The following FAM135B variants were observed in gnomAD, a reference collection of about 807,000 sequenced individuals.
FAM135B encodes protein FAM135B.
Under a neutral mutation model 127.7 loss-of-function variants are expected in FAM135B, and 43 were observed. The observed-to-expected ratio is 0.34, with a 90% CI of 0.26 to 0.43. FAM135B has a LOEUF of 0.43. FAM135B is among the 20% of genes least tolerant of loss of function. The probability of loss-of-function intolerance (pLI) is 1.00; values close to 1 mark genes in which losing one functional copy is unlikely to be tolerated. For synonymous variants in FAM135B, 670 were observed against 665.1 expected (o/e 1.01, Z -0.11); for missense variants, 1,558 against 1,725.6 (o/e 0.90, Z 1.72).
At chr8:138,343,013 T>C (rs1003786817) in intron 2 of FAM135B, among the ~76,000 whole-genome samples, 1 of 152,248 alleles carries the variant, frequency 6.6e-6, no homozygotes, top group African/African-American at 2.4e-5. Context: ...CTTCCTTACA[T>C]TCCATGCTTC....
chr8:138,364,920 T>C (rs1197353408), intron 2 of FAM135B, among the ~76,000 whole-genome samples: 1 of 152,132 alleles, frequency 6.6e-6, no homozygotes, highest in Non-Finnish European at 1.5e-5. Context: ...CAATCTCAGC[T>C]CACTACAACC....
intron 1 of FAM135B, among the ~76,000 whole-genome samples, chr8:138,399,687 C>T (rs1246109571): frequency 6.6e-6 from 1 of 152,148 alleles, no homozygotes; most frequent in Non-Finnish European, 1.5e-5. Context: ...CAATGCTAAG[C>T]ACACAGAGTC....
chr8:138,207,643 T>A (rs1817803683), intron 7 of FAM135B, among the ~76,000 whole-genome samples: 1 of 152,182 alleles, frequency 6.6e-6, no homozygotes, highest in Non-Finnish European at 1.5e-5. Flanking sequence ...ATGGATGTCA[T>A]AGGAAGGCAC....
At chr8:138,181,149 G>A (rs888751602) in intron 9 of FAM135B, among the ~76,000 whole-genome samples, 1 of 152,114 alleles carries the variant, frequency 6.6e-6, no homozygotes, top group African/African-American at 2.4e-5. Flanking sequence ...GCTGAGGCAG[G>A]AGAATTGCTT....
At chr8:138,412,355 CCTGATCACAGACATTGT>C (rs1833915082) in intron 1 of FAM135B, among the ~76,000 whole-genome samples, 1 of 152,238 alleles carries the variant, frequency 6.6e-6, no homozygotes, top group Non-Finnish European at 1.5e-5. Flanking sequence ...CACCCAGATT[CCTGATCACAGACATTGT>C]GACAAAATAA....
intron 2 of FAM135B, among the ~76,000 whole-genome samples, chr8:138,336,533 T>G (rs1213174238): frequency 6.6e-6 from 1 of 152,092 alleles, no homozygotes; most frequent in Admixed American, 6.6e-5. Context: ...CCTCGACACA[T>G]ACACCCTCCC....
chr8:138,192,892 G>A (rs906640712), intron 9 of FAM135B, among the ~76,000 whole-genome samples: 4 of 152,118 alleles, frequency 2.6e-5, no homozygotes, highest in South Asian at 4.1e-4. Context: ...TGGTTGTATC[G>A]GTGAAAACAG....
intron 2 of FAM135B, among the ~76,000 whole-genome samples, chr8:138,332,623 G>C (rs1051779673): frequency 6.6e-6 from 1 of 152,042 alleles, no homozygotes; most frequent in African/African-American, 2.4e-5. Flanking sequence ...TCCCCACTGT[G>C]ACAGGTGAGG....
At chr8:138,450,962 C>T (rs1836449475) in intron 1 of FAM135B, among the ~76,000 whole-genome samples, 1 of 152,126 alleles carries the variant, frequency 6.6e-6, no homozygotes, top group Admixed American at 6.5e-5. Context: ...AAAACTGAGG[C>T]CCATAAAGTT....
At chr8:138,372,593 G>T (rs184091957) in intron 1 of FAM135B, among the ~76,000 whole-genome samples, 3 of 152,172 alleles carry the variant, frequency 2.0e-5, no homozygotes, top group East Asian at 3.9e-4. Flanking sequence ...GTAAAGTGAG[G>T]ACAATAATAA....
At chr8:138,449,980 A>G (rs1204840752) in intron 1 of FAM135B, among the ~76,000 whole-genome samples, 1 of 152,212 alleles carries the variant, frequency 6.6e-6, no homozygotes, top group African/African-American at 2.4e-5. Flanking sequence ...GGTATCATAC[A>G]GAGTAGTTTC....
chr8:138,191,039 A>T (rs1039697826), intron 9 of FAM135B, among the ~76,000 whole-genome samples: 1 of 152,152 alleles, frequency 6.6e-6, no homozygotes, highest in African/African-American at 2.4e-5. Flanking sequence ...GTCATGAGCC[A>T]TGGTCACTCA....
chr8:138,395,333 G>A (rs1005309432), intron 1 of FAM135B, among the ~76,000 whole-genome samples: 3 of 152,090 alleles, frequency 2.0e-5, no homozygotes, highest in African/African-American at 4.8e-5. Context: ...GCTGGGAGAC[G>A]CCGCACCTGC....
At chr8:138,445,546 CA>C (rs1478906949) in intron 1 of FAM135B, among the ~76,000 whole-genome samples, 4 of 152,150 alleles carry the variant, frequency 2.6e-5, no homozygotes, top group Admixed American at 2.6e-4. Flanking sequence ...GAACCAAAGA[CA>C]AAAGCCATAT....
intron 7 of FAM135B, among the ~76,000 whole-genome samples, chr8:138,217,312 A>G (rs1274403985): frequency 6.6e-6 from 1 of 152,188 alleles, no homozygotes; most frequent in East Asian, 1.9e-4. Context: ...AAAAGTTCTT[A>G]GCTTAAGAGT....
At chr8:138,337,952 C>T (rs1230590783) in intron 2 of FAM135B, among the ~76,000 whole-genome samples, 2 of 151,952 alleles carry the variant, frequency 1.3e-5, no homozygotes, top group Non-Finnish European at 2.9e-5. Context: ...AGAAATAATG[C>T]CGCATATCTA....
At chr8:138,408,906 C>T (rs758977942) in intron 1 of FAM135B, among the ~76,000 whole-genome samples, 22 of 152,284 alleles carry the variant, frequency 1.4e-4, no homozygotes, top group Admixed American at 3.3e-4. Context: ...AATGCTGTGG[C>T]TTGTTTGGTC....
At chr8:138,195,657 C>CAT (rs1049368529) in intron 8 of FAM135B, among the ~76,000 whole-genome samples, 2 of 149,508 alleles carry the variant, frequency 1.3e-5, no homozygotes, top group African/African-American at 5.0e-5. Flanking sequence ...CACACACACA[C>CAT]AAACACACAC....
chr8:138,277,938 ATAT>A (rs1215698122), intron 3 of FAM135B, among the ~76,000 whole-genome samples: 5 of 152,008 alleles, frequency 3.3e-5, no homozygotes, highest in Admixed American at 3.3e-4. Flanking sequence ...AGAATCCCCA[ATAT>A]TATTCTCCTC....
Sources: gnomAD v4.1 joint callset for allele counts (sites outside exome capture counted in the v4.1 genomes callset) on GRCh38, gnomAD v4.1.1 for gene constraint, MANE v1.5 for transcripts, NCBI Gene and HGNC (gene_info 2026-07-23, HGNC 2026-07-21) for gene names.